Variants in VPS36 observed in about 807,000 individuals in gnomAD.
VPS36 encodes vacuolar protein sorting 36 homolog, also known as vacuolar protein-sorting-associated protein 36.
Under a neutral mutation model 63.5 loss-of-function variants are expected in VPS36, and 31 were observed. The ratio of observed to expected loss-of-function variants is 0.49; its 90% CI spans 0.37 to 0.66. The LOEUF (loss-of-function observed/expected upper bound fraction) is 0.66. VPS36 is among the 30% of genes least tolerant of loss of function. VPS36 has a pLI of 0.00. For synonymous variants in VPS36, 138 were observed against 157.2 expected, an observed-to-expected ratio of 0.88 and a Z score of 0.91; for missense variants, 338 against 463.7, an observed-to-expected ratio of 0.73 and a Z score of 2.49.
intron 1 of VPS36, among the ~76,000 whole-genome samples, chr13:52,443,849 G>T (rs750582740): frequency 6.6e-6 from 1 of 152,100 alleles, no homozygotes; most frequent in Non-Finnish European, 1.5e-5. Context: ...GAACCCAAGA[G>T]ATTAATAAAT....
chr13:52,427,013 T>C lies in VPS36; in HGVS notation c.615A>G (p.Lys205=). 3.1e-6 allele frequency: 5 copies of C among 1,612,754 alleles called. No individual in the cohort carries two copies. The highest frequency in any genetic ancestry group is 3.4e-6 in the Non-Finnish European group (4 of 1,179,580). The change falls in exon 8 of 14, where the codon AAA becomes AAG. Residue 205 remains lysine, a synonymous_variant. Transcript: ENST00000378060. The part of the protein sequence containing the change: ...SKSIANKIKD[K]QGDITEDETI... ...CCTCATCTTCTGTGATGTCACCTTG[T>C]TTGTCTTTAATTTTATTAGCAATTG...
At chr13:52,443,545 G>A (rs1958303203) in intron 1 of VPS36, among the ~76,000 whole-genome samples, 4 of 152,078 alleles carry the variant, frequency 2.6e-5, no homozygotes, top group Admixed American at 6.6e-5. Flanking sequence ...CCCTTACCAA[G>A]AACCAAATCT....
intron 6 of VPS36, 82 bp from the exon 7 acceptor site, chr13:52,427,301 C>T (rs539287930): frequency 5.2e-5 from 78 of 1,506,092 alleles, no homozygotes; most frequent in Admixed American, 1.3e-4. Flanking sequence ...TCTATTTTTT[C>T]CCCATAAAAA....
chr13:52,434,959 C>T (rs1480587165), intron 4 of VPS36, 77 bp from the exon 5 acceptor site: 155 of 1,113,342 alleles, frequency 1.4e-4, no homozygotes, highest in South Asian at 4.8e-4. Context: ...CTTAACATTT[C>T]TTTCTTTTTT....
At chr13:52,420,297 A>G (rs1958033703) in intron 10 of VPS36, among the ~76,000 whole-genome samples, 1 of 151,606 alleles carries the variant, frequency 6.6e-6, no homozygotes, top group Non-Finnish European at 1.5e-5. Flanking sequence ...TAGGGAAACC[A>G]TAGTTAACAA....
At chr13:52,417,817 G>A (rs1307445204) in intron 11 of VPS36, among the ~76,000 whole-genome samples, 175 bp downstream of exon 11, 1 of 152,164 alleles carries the variant, frequency 6.6e-6, no homozygotes, top group Non-Finnish European at 1.5e-5. Flanking sequence ...ATCCACAAGA[G>A]TCTGACTCCT....
chr13:52,450,408 G>A (rs1261021732), intron 1 of VPS36, 91 bp downstream of exon 1: 2 of 1,380,292 alleles, frequency 1.4e-6, no homozygotes. Flanking sequence ...CGGGGACCGG[G>A]CCGCGCCGAC....
intron 1 of VPS36, among the ~76,000 whole-genome samples, chr13:52,448,309 A>G (rs1958365572): frequency 6.6e-6 from 1 of 152,228 alleles, no homozygotes; most frequent in South Asian, 2.1e-4. Context: ...GTAACCTTGT[A>G]AAGTCTCTAG....
intron 12 of VPS36, 173 bp from the exon 13 acceptor site, chr13:52,416,266 G>A: frequency 1.5e-6 from 1 of 646,866 alleles, no homozygotes; most frequent in East Asian, 2.8e-5. Flanking sequence ...TTTAACTAAT[G>A]CTTAATCCTA....
Position 52,439,097 on chromosome 13 carries a change from C to CCT in VPS36, c.235_236dup (p.Ser79ArgfsTer5). 6.2e-7 allele frequency: 1 copy of CCT among 1,613,386 alleles called. No homozygotes were observed. The highest frequency in any genetic ancestry group is 8.5e-7 in the Non-Finnish European group (1 of 1,179,662). On this transcript the variant is annotated frameshift_variant and splice_region_variant. Coordinates refer to ENST00000378060, the MANE Select transcript of VPS36 (RefSeq NM_016075.4). LOFTEE classifies it high-confidence loss of function. ...AAAGACTGTGCTATACACAGACTTA[C>CCT]CTCTTCCCAATTCCAGCCGCCTGTT...
rs189048804 is a variant in VPS36 at position 52,414,415 on chromosome 13, A to C, written c.*1415T>G. On this transcript the variant is annotated 3_prime_UTR_variant, in exon 14 of 14. Coordinates refer to ENST00000378060, the MANE Select transcript of VPS36 (RefSeq NM_016075.4). ...TGACAGGTTTGGAAAACAAAAACTA[A>C]AGTGGGATGTCTCAGGCACAGCATT... 1 of 152,340 alleles carries C rather than the reference A, an allele frequency of 6.6e-6. No homozygotes were observed. The highest frequency in any genetic ancestry group is 1.5e-5 in the Non-Finnish European group (1 of 68,052). 9.4% of individuals were successfully genotyped at this position (152,340 alleles called of 1,614,324 possible). A position where few individuals can be genotyped will look rare whatever the true frequency, so the allele number is the denominator to read the frequency against.
At chr13:52,434,929 C>A in intron 4 of VPS36, 47 bp from the exon 5 acceptor site, 21 of 1,424,314 alleles carry the variant, frequency 1.5e-5, no homozygotes, top group East Asian at 2.3e-5. Context: ...CAGATTGTAA[C>A]ATCCTTGTAT....
intron 1 of VPS36, among the ~76,000 whole-genome samples, chr13:52,444,929 T>C (rs1345964456): frequency 2.0e-5 from 3 of 152,220 alleles, no homozygotes; most frequent in Non-Finnish European, 4.4e-5. Flanking sequence ...TAGGAACATA[T>C]GTCAAAAAGT....
chr13:52,450,414 C>T, intron 1 of VPS36, 85 bp downstream of exon 1: 2 of 1,405,280 alleles, frequency 1.4e-6, no homozygotes, highest in Non-Finnish European at 1.9e-6. Context: ...CCGGGCCGCG[C>T]CGACCCGGGC....
intron 9 of VPS36, among the ~76,000 whole-genome samples, chr13:52,424,527 A>C (rs866697452): frequency 6.6e-6 from 1 of 152,238 alleles, no homozygotes; most frequent in Non-Finnish European, 1.5e-5. Flanking sequence ...AGCACACCCT[A>C]TAGTCTAAAC....
intron 9 of VPS36, chr13:52,425,701 T>A (rs952239280): frequency 5.3e-6 from 2 of 380,360 alleles, no homozygotes; most frequent in Non-Finnish European, 9.1e-6. Context: ...AAACTTCATA[T>A]CAAATAGATT....
At chr13:52,417,368 C>T (rs1415351784) in intron 11 of VPS36, among the ~76,000 whole-genome samples, 1 of 151,034 alleles carries the variant, frequency 6.6e-6, no homozygotes, top group Admixed American at 6.6e-5. Context: ...AAATTACTGG[C>T]TTTTTTTTTA....
intron 1 of VPS36, among the ~76,000 whole-genome samples, chr13:52,445,932 T>C: frequency 1.4e-5 from 1 of 73,540 alleles, no homozygotes. Flanking sequence ...AGAGAAAGAC[T>C]CTATCTCAAA....
At position 52,436,301 on chromosome 13, in the gene VPS36, C is replaced by T; in HGVS notation, c.340G>A (p.Gly114Ser). ...ATGTAGAAACTTACCTCAATCTGGC[C>T]ATGTTCTTTGAAGGAGAGTTTGATG... ...SYIKLSFKEHGQIEFYRRLSE... is the reference protein window; with the variant it reads ...SYIKLSFKEHSQIEFYRRLSE... Residue 114 changes from glycine (G) to serine (S), a missense_variant, in exon 4 of 14, where the codon GGC (glycine) becomes AGC (serine). Physicochemically the swap from Gly to Ser is moderately conservative, Grantham distance 56. Transcript: ENST00000378060. 6.2e-7 allele frequency: 1 copy of T among 1,608,746 alleles called. No individual in the cohort carries two copies. The highest frequency in any genetic ancestry group is 1.1e-5 in the South Asian group (1 of 90,058).
Sources: allele counts gnomAD v4.1 joint callset (sites outside exome capture counted in the v4.1 genomes callset), GRCh38; gene constraint gnomAD v4.1.1; transcripts MANE v1.5; gene names NCBI Gene and HGNC (gene_info 2026-07-23, HGNC 2026-07-21).